Variants in CACNA2D2 observed in about 807,000 individuals in gnomAD.
The protein encoded by CACNA2D2 is voltage-dependent calcium channel subunit alpha-2/delta-2.
A neutral mutation model predicts 166.4 loss-of-function variants in CACNA2D2; 48 were observed. The ratio of observed to expected loss-of-function variants is 0.29; its 90% CI spans 0.23 to 0.37. The LOEUF (loss-of-function observed/expected upper bound fraction) is 0.37, where lower values mean the gene tolerates loss of function less well. Among genes scored for constraint, CACNA2D2 ranks in the 10% least tolerant of loss-of-function variants. The probability of loss-of-function intolerance (pLI) is 1.00; values close to 1 mark genes in which losing one functional copy is unlikely to be tolerated. For synonymous variants in CACNA2D2, 561 were observed against 573.7 expected (o/e 0.98, Z 0.32); for missense variants, 1,122 against 1,433.0 (o/e 0.78, Z 3.50).
intron 1 of CACNA2D2, among the ~76,000 whole-genome samples, chr3:50,488,692 T>G (rs78268339): frequency 6.9e-6 from 1 of 144,560 alleles, no homozygotes; most frequent in Non-Finnish European, 1.5e-5. Flanking sequence ...TTTCCTGGTG[T>G]TTTTTTTTTG....
At chr3:50,383,123 C>T (rs2236950) in intron 6 of CACNA2D2, among the ~76,000 whole-genome samples, 1 of 152,104 alleles carries the variant, frequency 6.6e-6, no homozygotes, top group Non-Finnish European at 1.5e-5. Flanking sequence ...CGAGGGGTGA[C>T]TGGAGAGGGC....
chr3:50,502,862 C>T (rs1699038230), intron 1 of CACNA2D2, among the ~76,000 whole-genome samples: 1 of 152,260 alleles, frequency 6.6e-6, no homozygotes, highest in Non-Finnish European at 1.5e-5. Flanking sequence ...GGGTCGCTGG[C>T]CGCCCCTCTC....
rs1489974003 is a variant in CACNA2D2 at position 50,366,247 on chromosome 3, ACT to A, written c.2709+18_2709+19del. The A allele has an allele frequency of 1.2e-6, 2 of 1,613,420 alleles. No individual in the cohort carries two copies. The highest frequency in any genetic ancestry group is 1.7e-6 in the Non-Finnish European group (2 of 1,179,784). On this transcript the variant is annotated intron_variant, in intron 31 of 37. Transcript: ENST00000424201. This position sits in a 1 kb window ranked among gnomAD's most constrained non-coding sequence, Gnocchi z 5.9. ...GCTCAAATCCCTACTCTCTTCTTTC[ACT>A]CTCTTCCTGATCCTCACCTGGTCCC...
intron 3 of CACNA2D2, among the ~76,000 whole-genome samples, chr3:50,406,648 TCCA>T (rs1277123343): frequency 2.6e-5 from 4 of 151,578 alleles, no homozygotes; most frequent in African/African-American, 4.8e-5. Flanking sequence ...CACCATCAGC[TCCA>T]CCATCACTAC....
intron 4 of CACNA2D2, among the ~76,000 whole-genome samples, chr3:50,389,268 G>A (rs1415418072): frequency 6.6e-6 from 1 of 152,208 alleles, no homozygotes; most frequent in Non-Finnish European, 1.5e-5. Context: ...ACAATAAGGA[G>A]TTTCAGTTGA....
At chr3:50,457,294 C>A (rs758613072) in intron 2 of CACNA2D2, among the ~76,000 whole-genome samples, 2 of 152,112 alleles carry the variant, frequency 1.3e-5, no homozygotes, top group Non-Finnish European at 2.9e-5. Context: ...ACAAAAACGA[C>A]AGACTAGGCT....
chr3:50,474,436 G>A (rs1231275109), intron 2 of CACNA2D2, among the ~76,000 whole-genome samples: 1 of 152,182 alleles, frequency 6.6e-6, no homozygotes, highest in Non-Finnish European at 1.5e-5. Context: ...TCACCCAGGG[G>A]CACATGATGG....
At position 50,379,180 on chromosome 3, in the gene CACNA2D2, T is replaced by C. The variant is rs1183086894; in HGVS notation, c.1172A>G (p.Asn391Ser). ...QLQNSNITRA[N>S]CNKMIMMFTD... Reference sequence around the variant, plus strand: ...GAACATCATGATCATCTTGTTGCAGTTGGCCCGAGTGATGTTGGACTGAGG... The same window carrying C: ...GAACATCATGATCATCTTGTTGCAGCTGGCCCGAGTGATGTTGGACTGAGG... The change falls in exon 12 of 38, where the codon AAC (asparagine) becomes AGC (serine). Residue 391 changes from asparagine (N) to serine (S), a missense_variant. Coordinates refer to ENST00000424201, the MANE Select transcript of CACNA2D2 (RefSeq NM_006030.4). This position sits in a 1 kb window ranked among gnomAD's most constrained non-coding sequence, Gnocchi z 6.5. 5.0e-6 allele frequency: 8 copies of C among 1,613,918 alleles called. No homozygotes were observed. In the Admixed American group the frequency reaches 5.0e-5, roughly 10 times the overall value.
intron 2 of CACNA2D2, among the ~76,000 whole-genome samples, chr3:50,447,828 C>T (rs905091486): frequency 6.6e-6 from 1 of 152,188 alleles, no homozygotes; most frequent in African/African-American, 2.4e-5. Context: ...GGAACTCTGA[C>T]CTCTTCCAGA....
intron 4 of CACNA2D2, among the ~76,000 whole-genome samples, chr3:50,389,552 G>A (rs935689755): frequency 2.0e-5 from 3 of 152,194 alleles, no homozygotes; most frequent in Admixed American, 1.3e-4. Flanking sequence ...GCCCTCAGGA[G>A]CCCTAGGCTC....
intron 5 of CACNA2D2, among the ~76,000 whole-genome samples, chr3:50,385,082 G>A (rs1390821058): frequency 1.3e-5 from 2 of 152,064 alleles, no homozygotes; most frequent in Non-Finnish European, 2.9e-5. Context: ...GGCATGCACC[G>A]TGCGCCCCCG....
At chr3:50,384,364 G>A (rs1461217426) in intron 5 of CACNA2D2, 27 bp from the exon 6 acceptor site, 1 of 1,610,736 alleles carries the variant, frequency 6.2e-7, no homozygotes, top group East Asian at 2.2e-5. Flanking sequence ...CCCGAGCAAT[G>A]TCAGGGCTGG....
Position 50,365,581 on chromosome 3 carries a change from A to C in CACNA2D2, c.2971+52T>G, listed in dbSNP as rs369991380. 5 of 1,577,478 alleles carry C rather than the reference A, an allele frequency of 3.2e-6. No individual in the cohort carries two copies. The African/African-American group carries it at 6.7e-5, about 21-fold the overall frequency. ...CCCACCCTCCCCATGGAGTCGTCTTAGCTCAGATTGGGGACCCGGACTTGA... is the reference window on the plus strand; with the variant it reads ...CCCACCCTCCCCATGGAGTCGTCTTCGCTCAGATTGGGGACCCGGACTTGA... On this transcript the variant is annotated intron_variant, in intron 34 of 37. Coordinates refer to ENST00000424201, the MANE Select transcript of CACNA2D2 (RefSeq NM_006030.4). The surrounding 1 kb of genome is among the most constrained non-coding windows in gnomAD (Gnocchi z 4.5).
At chr3:50,368,073 T>C in intron 24 of CACNA2D2, 65 bp downstream of exon 24, 1 of 1,311,544 alleles carries the variant, frequency 7.6e-7, no homozygotes, top group Non-Finnish European at 1.1e-6. Flanking sequence ...GCCTCTGGGT[T>C]CCTCTGGGCT....
At chr3:50,417,960 C>A (rs778391624) in intron 3 of CACNA2D2, among the ~76,000 whole-genome samples, 12 of 152,110 alleles carry the variant, frequency 7.9e-5, no homozygotes, top group African/African-American at 1.4e-4. Flanking sequence ...TCAGGGAGCA[C>A]CAACATGTGC....
At chr3:50,418,324 T>C (rs1246035375) in intron 3 of CACNA2D2, among the ~76,000 whole-genome samples, 1 of 152,156 alleles carries the variant, frequency 6.6e-6, no homozygotes, top group Non-Finnish European at 1.5e-5. Flanking sequence ...AATCCCTGTG[T>C]GGTGTTCAAA....
chr3:50,443,953 G>C (rs933044227), intron 2 of CACNA2D2, among the ~76,000 whole-genome samples: 1 of 152,198 alleles, frequency 6.6e-6, no homozygotes, highest in Non-Finnish European at 1.5e-5. Flanking sequence ...TCTCATGTGA[G>C]ATGAAACAGT....
chr3:50,437,492 G>A (rs1460888714), intron 2 of CACNA2D2, among the ~76,000 whole-genome samples: 7 of 152,148 alleles, frequency 4.6e-5, no homozygotes, highest in Non-Finnish European at 7.4e-5. Flanking sequence ...GAGCCCTTGA[G>A]GTGCAACAGT....
rs41305892 is a variant in CACNA2D2 at position 50,375,821 on chromosome 3, C to T, written c.1833G>A (p.Lys611=). 5,508 of 1,613,048 alleles carry T rather than the reference C, an allele frequency of 3.4e-3. 27 individuals are homozygous for T. Among genetic ancestry groups the T allele is most frequent in the Middle Eastern group, 0.011 (67 of 6,060 alleles). ...CCTGCCTCCTTACCTCATCCAGGGA[C>T]TTGACCAACGTTCTGATCTGCTTGT... ...KGHKQIRTLV[K]SLDERYIDEV... The change falls in exon 20 of 38, where the codon AAG becomes AAA. Residue 611 remains lysine, a synonymous_variant. Coordinates refer to ENST00000424201, the MANE Select transcript of CACNA2D2 (RefSeq NM_006030.4). This position sits in a 1 kb window ranked among gnomAD's most constrained non-coding sequence, Gnocchi z 4.0.
Sources: gnomAD v4.1 joint callset for allele counts (sites outside exome capture counted in the v4.1 genomes callset) on GRCh38, gnomAD v4.1.1 for gene constraint, Gnocchi (gnomAD v3.1) non-coding constraint, MANE v1.5 for transcripts, NCBI Gene and HGNC (gene_info 2026-07-23, HGNC 2026-07-21) for gene names.